TACR3: variants seen among roughly 807,000 people sequenced by gnomAD.
TACR3 encodes the protein tachykinin receptor 3.
Under a neutral mutation model 35.0 loss-of-function variants are expected in TACR3, and 34 were observed. The observed-to-expected ratio is 0.97, with a 90% CI of 0.74 to 1.30. The LOEUF is 1.30. Ranked by LOEUF, TACR3 falls within the 50% of genes most tolerant of loss-of-function variation. TACR3 has a pLI of 0.00. For missense variants in TACR3, 558 were observed against 591.7 expected, an observed-to-expected ratio of 0.94 and a Z score of 0.59; for synonymous variants, 233 against 221.1, an observed-to-expected ratio of 1.05 and a Z score of -0.48.
chr4:103,683,036 GAGGCTAATATAA>G (rs1305838629), intron 1 of TACR3, among the ~76,000 whole-genome samples: 1 of 152,116 alleles, frequency 6.6e-6, no homozygotes, highest in Non-Finnish European at 1.5e-5. Flanking sequence ...TACTCAATGG[GAGGCTAATATAA>G]AGGTAATGAA....
At chr4:103,697,797 TA>T (rs1370584755) in intron 1 of TACR3, among the ~76,000 whole-genome samples, 2 of 152,212 alleles carry the variant, frequency 1.3e-5, no homozygotes, top group African/African-American at 4.8e-5. Flanking sequence ...TTAGACTTGA[TA>T]ACTTTTAATG....
At chr4:103,614,888 T>TTTTG (rs1724603885) in intron 3 of TACR3, among the ~76,000 whole-genome samples, 2 of 93,076 alleles carry the variant, frequency 2.1e-5, no homozygotes, top group African/African-American at 9.3e-5. Context: ...GAATGTGTTT[T>TTTTG]TTTTTTTTTT....
At position 103,590,005 on chromosome 4, in the gene TACR3, G is replaced by T. The variant is rs1355553941; in HGVS notation, c.1086-11C>A. ...AAGCCAGCTCGAAATCTGAGGAAAA[G>T]CAGGCCACAGAAAGAAAAAGTTATT... On this transcript the variant is annotated splice_polypyrimidine_tract_variant and intron_variant, in intron 4 of 4. Coordinates refer to ENST00000304883, the MANE Select transcript of TACR3 (RefSeq NM_001059.3). The T allele has an allele frequency of 6.2e-7, 1 of 1,612,506 alleles. No homozygotes were observed. Among genetic ancestry groups the T allele is most frequent in the Non-Finnish European group, 8.5e-7 (1 of 1,179,226 alleles).
At chr4:103,590,753 G>C (rs72943366) in intron 4 of TACR3, among the ~76,000 whole-genome samples, 2,482 of 152,180 alleles carry the variant, frequency 0.016, 54 homozygotes, top group African/African-American at 0.057. Context: ...CAGGACTTAC[G>C]AGCCCTATGA....
At chr4:103,675,044 A>ACTT (rs1210760263) in intron 1 of TACR3, among the ~76,000 whole-genome samples, 1 of 152,178 alleles carries the variant, frequency 6.6e-6, no homozygotes, top group Admixed American at 6.6e-5. Flanking sequence ...AAAAATGAAC[A>ACTT]CTTTTTTGAG....
intron 3 of TACR3, among the ~76,000 whole-genome samples, chr4:103,611,491 C>T (rs10013026): frequency 0.13 from 20,165 of 152,066 alleles, 2,165 homozygotes; most frequent in East Asian, 0.5. Flanking sequence ...CACACAGTTG[C>T]CTCCTAAGGC....
At chr4:103,610,530 T>G (rs1724490975) in intron 3 of TACR3, among the ~76,000 whole-genome samples, 1 of 152,078 alleles carries the variant, frequency 6.6e-6, no homozygotes, top group African/African-American at 2.4e-5. Flanking sequence ...GGATATTAAC[T>G]ACTTGTCAGA....
At chr4:103,665,803 T>C (rs1043146942) in intron 1 of TACR3, among the ~76,000 whole-genome samples, 1 of 152,206 alleles carries the variant, frequency 6.6e-6, no homozygotes, top group African/African-American at 2.4e-5. Flanking sequence ...ATCTGACTTT[T>C]AAAGTTCCCT....
intron 4 of TACR3, 173 bp downstream of exon 4, chr4:103,591,314 A>G: frequency 1.4e-6 from 1 of 707,656 alleles, no homozygotes; most frequent in African/African-American, 1.8e-5. Context: ...GGGATGCTTT[A>G]TAAAGTGTGT....
intron 1 of TACR3, among the ~76,000 whole-genome samples, chr4:103,715,223 T>C (rs977155507): frequency 6.6e-6 from 1 of 152,180 alleles, no homozygotes; most frequent in African/African-American, 2.4e-5. Flanking sequence ...ATCCCCAATG[T>C]TGGAAGTGGG....
intron 1 of TACR3, among the ~76,000 whole-genome samples, chr4:103,695,127 T>C (rs1250791526): frequency 1.3e-5 from 2 of 152,210 alleles, no homozygotes; most frequent in Non-Finnish European, 2.9e-5. Context: ...TATGGTTTTG[T>C]TGGAATTACA....
chr4:103,625,146 T>C (rs1468779290), intron 3 of TACR3, among the ~76,000 whole-genome samples: 1 of 152,188 alleles, frequency 6.6e-6, no homozygotes, highest in African/African-American at 2.4e-5. Context: ...AAATTTACAT[T>C]TTTCATTAAG....
chr4:103,710,318 C>A (rs965682918), intron 1 of TACR3, among the ~76,000 whole-genome samples: 1 of 152,186 alleles, frequency 6.6e-6, no homozygotes. Context: ...TCTCAGACCA[C>A]AGTGTAATCA....
At chr4:103,602,667 T>G (rs1724237550) in intron 3 of TACR3, among the ~76,000 whole-genome samples, 2 of 152,212 alleles carry the variant, frequency 1.3e-5, no homozygotes, top group African/African-American at 4.8e-5. Flanking sequence ...CAGACCCTGT[T>G]TGCCTGGGTA....
chr4:103,591,515 G>A lies in TACR3; in HGVS notation c.1057C>T (p.Pro353Ser), dbSNP rs121918125. ...WLAMSSTMYN[P>S]IIYCCLNKRF... ...TTATTCAGACAGCAGTAGATGATGG[G>A]ATTGTACATGGTTGAGCTCATTGCC... The change falls in exon 4 of 5, where the codon CCC becomes TCC. Residue 353 changes from proline (P) to serine (S), a missense_variant. Transcript: ENST00000304883. The A allele has an allele frequency of 1.9e-6, 3 of 1,613,846 alleles. No individual in the cohort carries two copies. The highest frequency in any genetic ancestry group is 1.7e-4 in the Middle Eastern group (1 of 6,056).
chr4:103,713,225 C>T (rs1349634011), intron 1 of TACR3, among the ~76,000 whole-genome samples: 3 of 151,898 alleles, frequency 2.0e-5, no homozygotes, highest in Non-Finnish European at 2.9e-5. Context: ...GGAACCAACC[C>T]AAATGTCCAT....
At chr4:103,633,158 T>A (rs61319337) in intron 3 of TACR3, among the ~76,000 whole-genome samples, 1 of 152,194 alleles carries the variant, frequency 6.6e-6, no homozygotes, top group African/African-American at 2.4e-5. Context: ...CTCTAAGCCT[T>A]AGTTATATCA....
chr4:103,665,369 G>A (rs909118866), intron 1 of TACR3, among the ~76,000 whole-genome samples: 2 of 151,398 alleles, frequency 1.3e-5, no homozygotes, highest in African/African-American at 4.9e-5. Flanking sequence ...AAAATTCTTT[G>A]ATTTTTATAA....
chr4:103,710,117 G>A (rs1398232191), intron 1 of TACR3, among the ~76,000 whole-genome samples: 1 of 152,140 alleles, frequency 6.6e-6, no homozygotes, highest in African/African-American at 2.4e-5. Context: ...AAGTTAACAA[G>A]GGTATCCAGG....
Sources: gnomAD v4.1 joint callset for allele counts (sites outside exome capture counted in the v4.1 genomes callset) on GRCh38, gnomAD v4.1.1 for gene constraint, MANE v1.5 for transcripts, NCBI Gene and HGNC (gene_info 2026-07-23, HGNC 2026-07-21) for gene names.